EPHX3: variants seen among roughly 807,000 people sequenced by gnomAD.
The protein encoded by EPHX3 is abhydrolase domain containing 9.
In EPHX3, 39 loss-of-function variants were observed where a neutral mutation model predicts 40.2. That is an observed-to-expected ratio of 0.97 (90% CI 0.75 to 1.27). EPHX3 has a LOEUF of 1.27. Among genes scored for constraint, EPHX3 ranks in the 50% most tolerant of loss-of-function variants. EPHX3 has a pLI of 0.00. For missense variants in EPHX3, 442 were observed against 474.0 expected, an observed-to-expected ratio of 0.93 and a Z score of 0.63; for synonymous variants, 213 against 209.7, an observed-to-expected ratio of 1.02 and a Z score of -0.14.
At chr19:15,231,181 G>A in intron 3 of EPHX3, 58 bp downstream of exon 3, 1 of 1,612,322 alleles carries the variant, frequency 6.2e-7, no homozygotes, top group Non-Finnish European at 8.5e-7. Context: ...GAGAAAGCGG[G>A]GGTATGCGTG....
chr19:15,233,239 G>T (rs2047167904), upstream of EPHX3: 1 of 152,382 alleles, frequency 6.6e-6, no homozygotes, highest in Non-Finnish European at 1.5e-5. Context: ...GGAAGACGAA[G>T]AAGAGGGACA....
Position 15,231,811 on chromosome 19 carries a change from G to A in EPHX3, c.294C>T (p.Pro98=), listed in dbSNP as rs200237647. The A allele has an allele frequency of 6.2e-7, 1 of 1,613,964 alleles. No individual in the cohort carries two copies. The highest frequency in any genetic ancestry group is 8.5e-7 in the Non-Finnish European group (1 of 1,180,024). ...GGAAGCCGTGCAGAAACAGCATGAG[G>A]GGTCCGTTACCTCGTCCAGCCGAGA... is the stretch of plus-strand genomic sequence containing the variant. ...HYVSAGRGNG[P]LMLFLHGFPE... is the part of the protein sequence containing the mutation. Residue 98 remains proline (P), a synonymous_variant, in exon 2 of 7, where the codon CCC becomes CCT. Transcript: ENST00000221730.
intron 1 of EPHX3, 34 bp from the exon 2 acceptor site, chr19:15,231,895 C>A (rs1350792369): frequency 1.2e-6 from 2 of 1,612,942 alleles, no homozygotes; most frequent in Admixed American, 3.3e-5. Context: ...GCCTGGGGAA[C>A]CCTCTCTCCC....
intron 4 of EPHX3, among the ~76,000 whole-genome samples, chr19:15,230,432 A>G (rs1052577589): frequency 6.6e-6 from 1 of 152,092 alleles, no homozygotes; most frequent in Non-Finnish European, 1.5e-5. Flanking sequence ...TGGCCTCCCA[A>G]AGTGCAGGGA....
Position 15,231,410 on chromosome 19 carries a change from G to A in EPHX3, c.330-14C>T, listed in dbSNP as rs754858154. On this transcript the variant is annotated splice_polypyrimidine_tract_variant and intron_variant, in intron 2 of 6. Coordinates refer to ENST00000221730, the MANE Select transcript of EPHX3 (RefSeq NM_024794.3). Reference sequence around the variant, plus strand: ...CGCCAGGAGAACCTGCCAGGCGGGCGAGGGAGGGAGGCTGAGTCAGGGCCC... The same window carrying A: ...CGCCAGGAGAACCTGCCAGGCGGGCAAGGGAGGGAGGCTGAGTCAGGGCCC... 17 of 1,612,178 alleles carry A rather than the reference G, an allele frequency of 1.1e-5. No homozygotes were observed. Among genetic ancestry groups the A allele is most frequent in the South Asian group, 5.5e-5 (5 of 90,960 alleles).
At chr19:15,234,645 T>G (rs1450870443), upstream of EPHX3, among the ~76,000 whole-genome samples, 2 of 152,186 alleles carry the variant, frequency 1.3e-5, no homozygotes, top group African/African-American at 4.8e-5. Context: ...GCCACTGACT[T>G]GCTCACATCA....
Position 15,231,334 on chromosome 19 carries a change from A to AAGTCC in EPHX3, c.387_391dup (p.Leu131TrpfsTer32). 6.2e-7 allele frequency: 1 copy of AAGTCC among 1,613,930 alleles called. No individual in the cohort carries two copies. Among genetic ancestry groups the AAGTCC allele is most frequent in the South Asian group, 1.1e-5 (1 of 91,088 alleles). On this transcript the variant is annotated frameshift_variant, in exon 3 of 7. Coordinates refer to ENST00000221730, the MANE Select transcript of EPHX3 (RefSeq NM_024794.3). LOFTEE classifies it high-confidence loss of function. ...TGCATCCGAGGGGCCATAGCCTCGC[A>AAGTCC]AGTCCACAGCCACAACATGGAAGCG...
rs2047124372 is a variant in EPHX3 at position 15,227,853 on chromosome 19, T to C, written c.775A>G (p.Ser259Gly). The C allele has an allele frequency of 6.2e-7, 1 of 1,613,854 alleles. No homozygotes were observed. Among genetic ancestry groups the C allele is most frequent in the South Asian group, 1.1e-5 (1 of 91,078 alleles). ...RKTGIPCLTP[S>G]ELEAFLYNFS... ...TTATAAAGGAAGGCCTCGAGCTCGC[T>C]GGGGGTCAAGCATGGGATGCCTGTC... The change falls in exon 6 of 7, where the codon AGC becomes GGC. Residue 259 changes from serine (S) to glycine (G), a missense_variant. Physicochemically the swap from Ser to Gly is moderately conservative, Grantham distance 56 (BLOSUM62 0). Coordinates refer to ENST00000221730, the MANE Select transcript of EPHX3 (RefSeq NM_024794.3).
In EPHX3 at chr19:15,231,832, C is replaced by A; in HGVS notation, c.273G>T (p.Ser91=). ...TGAGGGGTCCGTTACCTCGTCCAGCCGAGACATAGTGCAGACGCAGGCCCG... is the reference window on the plus strand; with the variant it reads ...TGAGGGGTCCGTTACCTCGTCCAGCAGAGACATAGTGCAGACGCAGGCCCG... The part of the protein sequence containing the change: ...KSSGLRLHYV[S]AGRGNGPLML... The change falls in exon 2 of 7, where the codon TCG becomes TCT. Residue 91 remains serine, a synonymous_variant. Transcript: ENST00000221730. 6.2e-7 allele frequency: 1 copy of A among 1,613,960 alleles called. No homozygotes were observed.
Position 15,231,669 on chromosome 19 carries a change from T to C in EPHX3, c.329+107A>G. 3.3e-6 allele frequency: 4 copies of C among 1,219,508 alleles called. No homozygotes were observed. In the Admixed American group the frequency reaches 5.3e-5, roughly 16 times the overall value. The allele number at this position is 1,219,508 out of a possible 1,614,324, so 75.5% of individuals were successfully genotyped here. ...GGCTCAGTACCCCTATCCCCATCTA[T>C]GTTCAGCTTGTCCCGATCTATACAG... On this transcript the variant is annotated intron_variant, in intron 2 of 6. Coordinates refer to ENST00000221730, the MANE Select transcript of EPHX3 (RefSeq NM_024794.3).
upstream of EPHX3, among the ~76,000 whole-genome samples, chr19:15,232,685 T>G (rs1446984936): frequency 2.0e-5 from 3 of 152,034 alleles, no homozygotes; most frequent in African/African-American, 7.2e-5. Context: ...GAGACCAGCC[T>G]GGGCAACGTG....
At chr19:15,231,708 C>T (rs1033672400) in intron 2 of EPHX3, 68 bp downstream of exon 2, 7 of 1,521,598 alleles carry the variant, frequency 4.6e-6, no homozygotes, top group Non-Finnish European at 6.4e-6. Context: ...TCCTCCCTGC[C>T]TCTTGGGAGC....
intron 4 of EPHX3, among the ~76,000 whole-genome samples, chr19:15,229,959 A>T (rs1338564895): frequency 6.7e-6 from 1 of 150,184 alleles, no homozygotes; most frequent in Non-Finnish European, 1.5e-5. Flanking sequence ...GAGAGAGAGC[A>T]CAGTTATGAC....
upstream of EPHX3, among the ~76,000 whole-genome samples, chr19:15,234,594 G>T (rs938182326): frequency 6.6e-6 from 1 of 152,148 alleles, no homozygotes; most frequent in Non-Finnish European, 1.5e-5. Flanking sequence ...AAGCCACCGT[G>T]CCTGACCTTT....
chr19:15,236,210 G>A (rs188667183), upstream of EPHX3: 3 of 152,326 alleles, frequency 2.0e-5, no homozygotes, highest in Non-Finnish European at 2.9e-5. Flanking sequence ...GTTTGTCTCT[G>A]CATACATATA....
rs573560159 is a variant in EPHX3 at position 15,227,612 on chromosome 19, C to G, written c.908G>C (p.Trp303Ser). The change falls in exon 7 of 7, where the codon TGG becomes TCG. Residue 303 changes from tryptophan to serine, a missense_variant. By Grantham distance (177) the Trp-to-Ser change is radical. Coordinates refer to ENST00000221730, the MANE Select transcript of EPHX3 (RefSeq NM_024794.3). ...CTCCAAGTAAGTGTCCTTCTCCCCC[C>G]ACAGCAGCAATGTGGGTGTGGTCAG... ...QELTTPTLLL[W>S]GEKDTYLELG... 30 of 1,614,014 alleles carry G rather than the reference C, an allele frequency of 1.9e-5. No homozygotes were observed. Among genetic ancestry groups the G allele is most frequent in the African/African-American group, 2.7e-5 (2 of 74,930 alleles).
At chr19:15,231,724 C>T in intron 2 of EPHX3, 52 bp downstream of exon 2, 1 of 1,588,088 alleles carries the variant, frequency 6.3e-7, no homozygotes, top group Non-Finnish European at 8.6e-7. Flanking sequence ...GGAGCCCAAG[C>T]TCCACCTGCC....
At chr19:15,233,595 G>C (rs2047170152), upstream of EPHX3, among the ~76,000 whole-genome samples, 2 of 152,258 alleles carry the variant, frequency 1.3e-5, no homozygotes, top group South Asian at 2.1e-4. Context: ...CTCCGAGAGC[G>C]GGCCGAGGAG....
upstream of EPHX3, among the ~76,000 whole-genome samples, chr19:15,234,868 T>C (rs369014054): frequency 1.1e-4 from 16 of 152,346 alleles, no homozygotes; most frequent in African/African-American, 3.8e-4. Context: ...CAGTGAACAA[T>C]GCATCTCAAG....
Sources: allele counts gnomAD v4.1 joint callset (sites outside exome capture counted in the v4.1 genomes callset), GRCh38; gene constraint gnomAD v4.1.1; transcripts MANE v1.5; gene names NCBI Gene and HGNC (gene_info 2026-07-23, HGNC 2026-07-21).